The following UNC13C variants were observed in gnomAD, a reference collection of about 807,000 sequenced individuals.
The protein encoded by UNC13C is unc-13 homolog C, also known as protein unc-13 homolog C.
A neutral mutation model predicts 245.4 loss-of-function variants in UNC13C; 174 were observed. The observed-to-expected ratio is 0.71, with a 90% confidence interval of 0.63 to 0.80. The LOEUF (loss-of-function observed/expected upper bound fraction) is 0.80. UNC13C is among the 30% of genes least tolerant of loss of function. The pLI is 0.00. For missense variants in UNC13C, 2,829 were observed against 2,602.9 expected (o/e 1.09, Z -1.89); for synonymous variants, 992 against 895.1 (o/e 1.11, Z -1.93).
chr15:54,325,281 T>TACAC (rs150031067), intron 14 of UNC13C, among the ~76,000 whole-genome samples: 2 of 151,724 alleles, frequency 1.3e-5, no homozygotes, highest in African/African-American at 4.8e-5. Flanking sequence ...TACACACACT[T>TACAC]ACACACACAC....
At chr15:54,315,647 T>C (rs1227681437) in intron 13 of UNC13C, among the ~76,000 whole-genome samples, 1 of 151,738 alleles carries the variant, frequency 6.6e-6, no homozygotes, top group East Asian at 2.0e-4. Flanking sequence ...AATCTAGGTG[T>C]TTAGTCCATG....
intron 4 of UNC13C, among the ~76,000 whole-genome samples, chr15:54,205,916 G>C (rs748374468): frequency 4.6e-5 from 7 of 151,928 alleles, no homozygotes; most frequent in African/African-American, 1.2e-4. Context: ...TGAGATTTTA[G>C]GACTGCCATG....
chr15:54,175,550 T>C (rs1474883775), intron 4 of UNC13C, among the ~76,000 whole-genome samples: 1 of 140,900 alleles, frequency 7.1e-6, no homozygotes, highest in Non-Finnish European at 1.5e-5. Flanking sequence ...TCTCGCACTG[T>C]AGCCCAGGCT....
At chr15:54,373,855 C>T (rs12902248) in intron 17 of UNC13C, among the ~76,000 whole-genome samples, 20,069 of 152,154 alleles carry the variant, frequency 0.13, 1,590 homozygotes, top group Middle Eastern at 0.2. Context: ...TGAGGTACAC[C>T]GACAACTAAA....
intron 30 of UNC13C, among the ~76,000 whole-genome samples, chr15:54,595,340 C>G (rs1899016428): frequency 6.6e-6 from 1 of 152,140 alleles, no homozygotes; most frequent in South Asian, 2.1e-4. Context: ...GGAAGACCAA[C>G]TCAACTGGCA....
chr15:54,447,955 G>A (rs1481686036), intron 19 of UNC13C, among the ~76,000 whole-genome samples: 1 of 152,208 alleles, frequency 6.6e-6, no homozygotes, highest in Non-Finnish European at 1.5e-5. Flanking sequence ...ATGTGTCCCA[G>A]AGATTCTGGT....
chr15:53,857,496 ACTC>A, the UNC13C span, among the ~76,000 whole-genome samples: 55 of 152,216 alleles, frequency 3.6e-4, no homozygotes, highest in African/African-American at 1.3e-3. Context: ...ATTTGGGAAA[ACTC>A]CTGAGAATTT....
intron 2 of UNC13C, among the ~76,000 whole-genome samples, chr15:54,026,391 T>C (rs563047974): frequency 4.6e-5 from 7 of 152,332 alleles, no homozygotes; most frequent in African/African-American, 1.7e-4. Flanking sequence ...TAACATGCTC[T>C]TAGCTACTTG....
the UNC13C span, chr15:53,955,860 A>G: frequency 1.3e-5 from 2 of 152,206 alleles, no homozygotes; most frequent in African/African-American, 2.4e-5. Flanking sequence ...TTGTTCTACC[A>G]TAAAGACACA....
the UNC13C span, among the ~76,000 whole-genome samples, chr15:53,864,211 A>G: frequency 1.3e-5 from 2 of 152,180 alleles, no homozygotes; most frequent in Non-Finnish European, 2.9e-5. Flanking sequence ...TTTTATTGAA[A>G]AACAATATTT....
At chr15:53,952,080 A>G in the UNC13C span, among the ~76,000 whole-genome samples, 1 of 152,182 alleles carries the variant, frequency 6.6e-6, no homozygotes, top group South Asian at 2.1e-4. Context: ...ATGCTGAGGC[A>G]TGTAGTCATG....
intron 13 of UNC13C, among the ~76,000 whole-genome samples, chr15:54,314,074 A>G (rs1368613974): frequency 2.6e-5 from 2 of 76,716 alleles, no homozygotes. Context: ...TGTGGCATCA[A>G]AAAAAAAAAA....
chr15:53,885,597 A>G, the UNC13C span, among the ~76,000 whole-genome samples: 1 of 152,100 alleles, frequency 6.6e-6, no homozygotes, highest in South Asian at 2.1e-4. Context: ...TTGGATCTTT[A>G]TTTCTGAAGG....
chr15:54,332,305 CTGTGTG>C (rs34179914), intron 15 of UNC13C, among the ~76,000 whole-genome samples, 194 bp downstream of exon 15: 22 of 145,672 alleles, frequency 1.5e-4, no homozygotes, highest in South Asian at 6.6e-4. Flanking sequence ...CAACAATACT[CTGTGTG>C]TGTGTGTGTG....
intron 2 of UNC13C, chr15:54,044,535 A>T (rs1255260018): frequency 4.8e-6 from 1 of 208,644 alleles, no homozygotes; most frequent in Non-Finnish European, 1.1e-5. Context: ...CAACCTGACA[A>T]TCCCACCAGC....
At chr15:53,947,095 A>G in the UNC13C span, among the ~76,000 whole-genome samples, 1 of 152,164 alleles carries the variant, frequency 6.6e-6, no homozygotes, top group African/African-American at 2.4e-5. Context: ...ATAAGTATAA[A>G]ACTTGATCTC....
chr15:54,386,636 C>T (rs988084851), intron 17 of UNC13C, among the ~76,000 whole-genome samples: 5 of 152,168 alleles, frequency 3.3e-5, no homozygotes, highest in Non-Finnish European at 7.3e-5. Context: ...GTGATTTGGC[C>T]TCCTGCACTT....
intron 18 of UNC13C, among the ~76,000 whole-genome samples, chr15:54,408,900 C>T (rs566615561): frequency 7.9e-4 from 120 of 152,294 alleles, no homozygotes; most frequent in South Asian, 2.1e-3. Context: ...TGAAAGAGAT[C>T]TGCCTTGGTC....
At chr15:53,927,601 T>C in the UNC13C span, among the ~76,000 whole-genome samples, 1 of 152,244 alleles carries the variant, frequency 6.6e-6, no homozygotes, top group South Asian at 2.1e-4. Flanking sequence ...TGAAAGCAGC[T>C]GTGGAATATG....
Sources: gnomAD v4.1 joint callset for allele counts (sites outside exome capture counted in the v4.1 genomes callset) on GRCh38, gnomAD v4.1.1 for gene constraint, MANE v1.5 for transcripts, NCBI Gene and HGNC (gene_info 2026-07-23, HGNC 2026-07-21) for gene names.